The following SGSM2 variants were observed in gnomAD, a reference collection of about 807,000 sequenced individuals.
SGSM2 encodes RUN and TBC1 domain containing 1.
A neutral mutation model predicts 126.6 loss-of-function variants in SGSM2; 89 were observed. The ratio of observed to expected loss-of-function variants is 0.70; its 90% CI spans 0.59 to 0.84. The LOEUF (loss-of-function observed/expected upper bound fraction) is 0.84, where lower values mean the gene tolerates loss of function less well. Ranked by LOEUF, SGSM2 falls within the 40% of genes least tolerant of loss-of-function variation. The pLI, the probability that SGSM2 is intolerant of heterozygous loss-of-function variation, is 0.00. For synonymous variants in SGSM2, 614 were observed against 574.3 expected (o/e 1.07, Z -0.99); for missense variants, 1,404 against 1,416.6 (o/e 0.99, Z 0.14).
intron 17 of SGSM2, chr17:2,373,735 T>TCAGCA (rs1170941912): frequency 3.6e-6 from 2 of 555,256 alleles, no homozygotes; most frequent in Non-Finnish European, 6.4e-6. Flanking sequence ...TGCATTGTGC[T>TCAGCA]CAGTTTTAGC....
At chr17:2,341,531 C>G (rs1316158831) in intron 1 of SGSM2, among the ~76,000 whole-genome samples, 1 of 152,216 alleles carries the variant, frequency 6.6e-6, no homozygotes, top group African/African-American at 2.4e-5. Context: ...CTACCACCCT[C>G]CAAACTATAC....
At chr17:2,361,968 C>A in intron 3 of SGSM2, 141 bp from the exon 4 acceptor site, 1 of 1,302,458 alleles carries the variant, frequency 7.7e-7, no homozygotes, top group Non-Finnish European at 1.1e-6. Flanking sequence ...GGGCACAAGG[C>A]TCTGTACCCC....
In SGSM2 at chr17:2,337,789, G is replaced by A; in HGVS notation, c.57+44G>A. 2 of 1,449,508 alleles carry A rather than the reference G, an allele frequency of 1.4e-6. No homozygotes were observed. Among genetic ancestry groups the A allele is most frequent in the Non-Finnish European group, 1.8e-6 (2 of 1,083,620 alleles). 89.8% of individuals were successfully genotyped at this position (1,449,508 alleles called of 1,614,324 possible). A position where few individuals can be genotyped will look rare whatever the true frequency, so the allele number is the denominator to read the frequency against. On this transcript the variant is annotated intron_variant, in intron 1 of 23. Transcript: ENST00000268989. This position sits in a 1 kb window ranked among gnomAD's most constrained non-coding sequence, Gnocchi z 5.1. The stretch of plus-strand genomic sequence containing the variant: ...CCCCGGGGGGCTCGCGCCCTGGCCC[G>A]CGCGGCCCAGGGGGCAGAAAGGTCC...
At position 2,379,696 on chromosome 17, in the gene SGSM2, G is replaced by A; in HGVS notation, c.*176G>A. On this transcript the variant is annotated 3_prime_UTR_variant, in exon 24 of 24. Coordinates refer to ENST00000268989, the MANE Select transcript of SGSM2 (RefSeq NM_014853.3). ...GCTGACCCTGCAGGGCAAGTCAGGG[G>A]CCAGGATGCCCTCGGATCAGGGCCG... 7.0e-7 allele frequency: 1 copy of A among 1,423,894 alleles called. No homozygotes were observed. The highest frequency in any genetic ancestry group is 1.5e-5 in the South Asian group (1 of 67,000). The allele number at this position is 1,423,894 out of a possible 1,614,324, so 88.2% of individuals were successfully genotyped here.
intron 1 of SGSM2, among the ~76,000 whole-genome samples, chr17:2,340,412 T>C (rs1229670858): frequency 6.6e-6 from 1 of 151,966 alleles, no homozygotes; most frequent in East Asian, 1.9e-4. Context: ...GGAAATATTT[T>C]TTAAGAGGAT....
chr17:2,337,688 C>T lies in SGSM2; in HGVS notation c.-1C>T. On this transcript the variant is annotated 5_prime_UTR_variant, in exon 1 of 24. Coordinates refer to ENST00000268989, the MANE Select transcript of SGSM2 (RefSeq NM_014853.3). The surrounding 1 kb of genome is among the most constrained non-coding windows in gnomAD (Gnocchi z 5.1). ...CGCTCGGCGCCGCCTCCTGCCACAC[C>T]ATGGGCAGCGCAGAGGACGCAGTCA... is the stretch of plus-strand genomic sequence containing the variant. The T allele has an allele frequency of 6.6e-7, 1 of 1,511,510 alleles. No individual in the cohort carries two copies. Among genetic ancestry groups the T allele is most frequent in the Non-Finnish European group, 8.9e-7 (1 of 1,124,292 alleles). 93.6% of individuals were successfully genotyped at this position (1,511,510 alleles called of 1,614,324 possible). A position where few individuals can be genotyped will look rare whatever the true frequency, so the allele number is the denominator to read the frequency against.
chr17:2,377,604 A>T (rs939156750), intron 21 of SGSM2: 5 of 342,724 alleles, frequency 1.5e-5, no homozygotes, highest in African/African-American at 8.5e-5. Flanking sequence ...GACATCAGAC[A>T]CCCAGAAAAT....
At position 2,376,828 on chromosome 17, in the gene SGSM2, G is replaced by A. The variant is rs370157723; in HGVS notation, c.2692+13G>A. ...ACCCTCGACAATGGTGAGGGATGGC[G>A]GGACATGGGACTGGGCTGCGTAAGC... On this transcript the variant is annotated intron_variant, in intron 20 of 23. Coordinates refer to ENST00000268989, the MANE Select transcript of SGSM2 (RefSeq NM_014853.3). The A allele has an allele frequency of 1.8e-5, 29 of 1,613,778 alleles. No individual in the cohort carries two copies. Among genetic ancestry groups the A allele is most frequent in the East Asian group, 1.6e-4 (7 of 44,892 alleles).
intron 16 of SGSM2, 55 bp downstream of exon 16, chr17:2,373,136 C>T (rs202093518): frequency 5.3e-5 from 85 of 1,600,736 alleles, no homozygotes; most frequent in Middle Eastern, 1.7e-4. Context: ...GGCCAGGGGA[C>T]GCCAGGGAGG....
chr17:2,357,057 G>A (rs1567815439), intron 2 of SGSM2, among the ~76,000 whole-genome samples: 1 of 152,064 alleles, frequency 6.6e-6, no homozygotes, highest in Non-Finnish European at 1.5e-5. Context: ...AGCATCTGTG[G>A]TCTCCAGCCG....
chr17:2,373,234 C>A, intron 16 of SGSM2, 97 bp from the exon 17 acceptor site: 1 of 1,543,092 alleles, frequency 6.5e-7, no homozygotes, highest in South Asian at 1.2e-5. Flanking sequence ...CGTCTTGAGT[C>A]TGAGACTCAG....
chr17:2,376,825 G>A lies in SGSM2; in HGVS notation c.2692+10G>A. 1 of 1,614,014 alleles carries A rather than the reference G, an allele frequency of 6.2e-7. No individual in the cohort carries two copies. Among genetic ancestry groups the A allele is most frequent in the South Asian group, 1.1e-5 (1 of 91,084 alleles). On this transcript the variant is annotated intron_variant, in intron 20 of 23. Transcript: ENST00000268989. ...GTCACCCTCGACAATGGTGAGGGATGGCGGGACATGGGACTGGGCTGCGTA... is the reference window on the plus strand; with the variant it reads ...GTCACCCTCGACAATGGTGAGGGATAGCGGGACATGGGACTGGGCTGCGTA...
At chr17:2,348,927 C>G (rs1232771645) in intron 2 of SGSM2, among the ~76,000 whole-genome samples, 1 of 151,978 alleles carries the variant, frequency 6.6e-6, no homozygotes, top group East Asian at 1.9e-4. Context: ...CCACACTCGG[C>G]TACTTTTTTG....
rs1299184841 is a variant in SGSM2, at chr17:2,347,563, A to T, written c.133+3943A>T. Among the ~76,000 whole-genome samples the T allele has an allele frequency of 3.3e-5, 5 of 151,698 alleles. No homozygotes were observed. In the East Asian group the frequency reaches 9.7e-4, roughly 29 times the overall value. On this transcript the variant is annotated intron_variant, in intron 2 of 23. Transcript: ENST00000268989. ...TTTGGATTTTTTTTCATTTTAATATAAAGACTTACTGTTGAATTAAAGTAT... is the reference window on the plus strand; with the variant it reads ...TTTGGATTTTTTTTCATTTTAATATTAAGACTTACTGTTGAATTAAAGTAT...
chr17:2,363,489 AGC>A lies in SGSM2; in HGVS notation c.701_702del (p.Ala234ValfsTer199), dbSNP rs1567824828. 6.2e-7 allele frequency: 1 copy of A among 1,613,296 alleles called. No individual in the cohort carries two copies. The highest frequency in any genetic ancestry group is 8.5e-7 in the Non-Finnish European group (1 of 1,180,004). ...GATCCGGAAACGGCACTCAAGCGGC[AGC>A]GCGTCGGAGGACAGGCTGGCTGCCT... Reference protein sequence around the residue: ...LGIRKRHSSGSASEDRLAACA... With the variant: ...LGIRKRHSSGXASEDRLAACA... On this transcript the variant is annotated frameshift_variant, in exon 7 of 24. Coordinates refer to ENST00000268989, the MANE Select transcript of SGSM2 (RefSeq NM_014853.3). LOFTEE classifies it high-confidence loss of function. The surrounding 1 kb of genome is among the most constrained non-coding windows in gnomAD (Gnocchi z 4.2).
Position 2,365,334 on chromosome 17 carries a change from C to T in SGSM2, c.1281C>T (p.His427=), listed in dbSNP as rs150219257. ...GGATCATCTACCCCGGCCACAGGCACGAGCACAGTGAGTGTCCCGAGCTTC... is the reference window on the plus strand; with the variant it reads ...GGATCATCTACCCCGGCCACAGGCATGAGCACAGTGAGTGTCCCGAGCTTC... The part of the protein sequence containing the change: ...VFRIIYPGHR[H]EHITINYHHL... Residue 427 remains histidine (H), a synonymous_variant, in exon 11 of 24, where the codon CAC becomes CAT. Coordinates refer to ENST00000268989, the MANE Select transcript of SGSM2 (RefSeq NM_014853.3). The T allele has an allele frequency of 7.7e-6, 12 of 1,558,504 alleles. No homozygotes were observed. The highest frequency in any genetic ancestry group is 4.8e-5 in the East Asian group (2 of 41,842).
At chr17:2,352,103 T>C (rs1190211169) in intron 2 of SGSM2, among the ~76,000 whole-genome samples, 1 of 152,238 alleles carries the variant, frequency 6.6e-6, no homozygotes, top group Admixed American at 6.5e-5. Context: ...GATGAAACAC[T>C]GGCTCCTTCC....
rs756864883 is a variant in SGSM2, at chr17:2,364,682, CGG to C, written c.1000+20_1000+21del. On this transcript the variant is annotated intron_variant, in intron 9 of 23. Transcript: ENST00000268989. ...CAGCAAAGTAAGCCTGCCTTGTCCT[CGG>C]CTCGGGTGGGAAGGGAGAGGCTGCC... 2 of 1,614,012 alleles carry C rather than the reference CGG, an allele frequency of 1.2e-6. No individual in the cohort carries two copies. Among genetic ancestry groups the C allele is most frequent in the South Asian group, 2.2e-5 (2 of 91,074 alleles).
chr17:2,372,060 C>A lies in SGSM2; in HGVS notation c.1578-130C>A. 9.4e-7 allele frequency: 1 copy of A among 1,068,952 alleles called. No homozygotes were observed. The highest frequency in any genetic ancestry group is 1.4e-6 in the Non-Finnish European group (1 of 719,570). The allele number at this position is 1,068,952 out of a possible 1,614,324, so 66.2% of individuals were successfully genotyped here. A position where few individuals can be genotyped will look rare whatever the true frequency, so the allele number is the denominator to read the frequency against. On this transcript the variant is annotated intron_variant, in intron 13 of 23. Transcript: ENST00000268989. The surrounding 1 kb of genome is among the most constrained non-coding windows in gnomAD (Gnocchi z 6.0). ...AGGGCACCCACTGACGGCTGCTGGG[C>A]TGCGGCTCCTCCTCCTCGCACCCTC...
Sources: gnomAD v4.1 joint callset for allele counts (sites outside exome capture counted in the v4.1 genomes callset) on GRCh38, gnomAD v4.1.1 for gene constraint, Gnocchi (gnomAD v3.1) non-coding constraint, MANE v1.5 for transcripts, NCBI Gene and HGNC (gene_info 2026-07-23, HGNC 2026-07-21) for gene names.